The following ASIC2 variants were observed in gnomAD, a reference collection of about 807,000 sequenced individuals.
The protein encoded by ASIC2 is acid-sensing ion channel 2.
In ASIC2, 25 loss-of-function variants were observed where a neutral mutation model predicts 57.3. The observed-to-expected ratio is 0.44, with a 90% CI of 0.32 to 0.61. ASIC2 has a LOEUF of 0.61. ASIC2 is among the 20% of genes least tolerant of loss of function. The pLI is 0.06. For missense variants in ASIC2, 641 were observed against 738.1 expected (o/e 0.87, Z 1.52); for synonymous variants, 319 against 307.5 (o/e 1.04, Z -0.39).
chr17:33,725,607 C>T (rs1168865410), intron 1 of ASIC2, among the ~76,000 whole-genome samples: 1 of 152,000 alleles, frequency 6.6e-6, no homozygotes, highest in African/African-American at 2.4e-5. Context: ...TGGCACCTTC[C>T]ATGATCCGTG....
chr17:34,140,996 A>G (rs1463843706), intron 1 of ASIC2, among the ~76,000 whole-genome samples: 1 of 152,222 alleles, frequency 6.6e-6, no homozygotes, highest in Non-Finnish European at 1.5e-5. Context: ...CACTATCAGT[A>G]TTAGGACAAA....
At chr17:33,443,581 T>G (rs1458806103) in intron 1 of ASIC2, among the ~76,000 whole-genome samples, 11 of 11,552 alleles carry the variant, frequency 9.5e-4, no homozygotes, top group Non-Finnish European at 2.3e-3. Context: ...GCCCGGCTAA[T>G]TTTTTTTTGT....
chr17:33,809,089 T>C (rs1362580129), intron 1 of ASIC2, among the ~76,000 whole-genome samples: 1 of 152,188 alleles, frequency 6.6e-6, no homozygotes, highest in Non-Finnish European at 1.5e-5. Context: ...GCCAAGGTCT[T>C]GAACTTCTCT....
At position 33,558,818 on chromosome 17, in the gene ASIC2, G is replaced by A. The variant is rs545937190; in HGVS notation, c.556-446751C>T. Among the ~76,000 whole-genome samples the A allele has an allele frequency of 1.1e-4, 17 of 151,888 alleles. 2 individuals are homozygous for A. The highest frequency in any genetic ancestry group is 8.5e-4 in the Admixed American group (13 of 15,262). On this transcript the variant is annotated intron_variant, in intron 1 of 9. Coordinates refer to the ASIC2 transcript ENST00000359872. Reference sequence around the variant, plus strand: ...TACTGTTGTTGTTTTTTTTTTAGACGGAGTCTGGCTCAATCTCAGCCTAAT... The same window carrying A: ...TACTGTTGTTGTTTTTTTTTTAGACAGAGTCTGGCTCAATCTCAGCCTAAT...
chr17:34,032,316 A>G lies in ASIC2; in HGVS notation c.555+123662T>C, dbSNP rs1907652695. Among the ~76,000 whole-genome samples the G allele has an allele frequency of 2.0e-5, 3 of 152,214 alleles. No individual in the cohort carries two copies. The South Asian group carries it at 6.2e-4, about 32-fold the overall frequency. On this transcript the variant is annotated intron_variant, in intron 1 of 9. Transcript: ENST00000359872. ...ACTTTACAGACAAGCAAATGCTGAG[A>G]GATTTTGTCACCACCAGGCCTGCCC...
intron 1 of ASIC2, chr17:33,689,139 T>C (rs904924458): frequency 6.6e-6 from 1 of 152,256 alleles, no homozygotes; most frequent in African/African-American, 2.4e-5. Flanking sequence ...GACCCTCAGT[T>C]GAAAGACAAT....
At chr17:33,930,479 G>C (rs896929906) in intron 1 of ASIC2, among the ~76,000 whole-genome samples, 1 of 152,156 alleles carries the variant, frequency 6.6e-6, no homozygotes, top group Non-Finnish European at 1.5e-5. Flanking sequence ...AGTCCCCATC[G>C]TGCTTCAGGT....
At chr17:33,103,636 TC>T (rs2092223529) in intron 2 of ASIC2, among the ~76,000 whole-genome samples, 1 of 152,188 alleles carries the variant, frequency 6.6e-6, no homozygotes, top group South Asian at 2.1e-4. Flanking sequence ...TTTTAAGGCT[TC>T]CTGACTGTCA....
At chr17:33,932,867 C>T (rs1363705101) in intron 1 of ASIC2, among the ~76,000 whole-genome samples, 1 of 150,570 alleles carries the variant, frequency 6.6e-6, no homozygotes, top group Non-Finnish European at 1.5e-5. Context: ...CAATGCTGTC[C>T]TAGAAGCATT....
intron 1 of ASIC2, among the ~76,000 whole-genome samples, chr17:33,421,929 G>A (rs1007929274): frequency 3.9e-5 from 6 of 152,162 alleles, no homozygotes; most frequent in African/African-American, 1.4e-4. Flanking sequence ...CCAAGCACAC[G>A]TTGCTTCCTA....
At chr17:33,714,615 A>G (rs1426689596) in intron 1 of ASIC2, among the ~76,000 whole-genome samples, 1 of 152,204 alleles carries the variant, frequency 6.6e-6, no homozygotes, top group Non-Finnish European at 1.5e-5. Context: ...ATGAACAGGA[A>G]GGAAATCACC....
intron 1 of ASIC2, among the ~76,000 whole-genome samples, chr17:34,132,191 A>C (rs1048228975): frequency 1.2e-4 from 18 of 152,100 alleles, no homozygotes; most frequent in African/African-American, 4.3e-4. Context: ...TGAATCTCCT[A>C]GTGTGTCCGG....
In ASIC2 at chr17:33,156,657, G is replaced by C. The variant is rs184750063; in HGVS notation, c.709-44590C>G. Among the ~76,000 whole-genome samples, 4 of 152,110 alleles carry C rather than the reference G, an allele frequency of 2.6e-5. No individual in the cohort carries two copies. In the East Asian group the frequency reaches 7.9e-4, roughly 30 times the overall value. On this transcript the variant is annotated intron_variant, in intron 1 of 9. Coordinates refer to ENST00000225823, the MANE Select transcript of ASIC2 (RefSeq NM_183377.2). ...TGTAATCCCAGCTACTCAGGAGGCTGAGGCAGGAGAATTGCTTGAATCCAG... is the reference window on the plus strand; with the variant it reads ...TGTAATCCCAGCTACTCAGGAGGCTCAGGCAGGAGAATTGCTTGAATCCAG...
chr17:33,988,057 G>C (rs1905879194), intron 1 of ASIC2, among the ~76,000 whole-genome samples: 1 of 152,178 alleles, frequency 6.6e-6, no homozygotes, highest in African/African-American at 2.4e-5. Flanking sequence ...GAGATTTAAA[G>C]GAGAGTAAGA....
chr17:33,576,011 A>G (rs764386582), intron 1 of ASIC2, among the ~76,000 whole-genome samples: 3 of 152,222 alleles, frequency 2.0e-5, no homozygotes, highest in Non-Finnish European at 4.4e-5. Flanking sequence ...CAATGCAAGT[A>G]TTGTTTTAAA....
chr17:33,790,047 T>A (rs776985134), intron 1 of ASIC2, among the ~76,000 whole-genome samples: 4 of 152,262 alleles, frequency 2.6e-5, no homozygotes, highest in Non-Finnish European at 5.9e-5. Flanking sequence ...AGTTGTATAA[T>A]GAAGACATTT....
intron 1 of ASIC2, among the ~76,000 whole-genome samples, chr17:33,411,494 C>T (rs982609643): frequency 6.6e-6 from 1 of 152,150 alleles, no homozygotes; most frequent in Admixed American, 6.5e-5. Flanking sequence ...GGCAAGTGAG[C>T]CTTCCTGCTG....
At chr17:33,812,836 T>G (rs1482624844) in intron 1 of ASIC2, among the ~76,000 whole-genome samples, 1 of 152,228 alleles carries the variant, frequency 6.6e-6, no homozygotes, top group Non-Finnish European at 1.5e-5. Context: ...CCAAAGCCAC[T>G]GTGCTCCTCC....
At chr17:33,940,836 G>A (rs919447331) in intron 1 of ASIC2, among the ~76,000 whole-genome samples, 1 of 152,224 alleles carries the variant, frequency 6.6e-6, no homozygotes, top group East Asian at 1.9e-4. Context: ...AGACTCAAAG[G>A]ATGGTGGTGA....
Sources: allele counts gnomAD v4.1 joint callset (sites outside exome capture counted in the v4.1 genomes callset), GRCh38; gene constraint gnomAD v4.1.1; transcripts MANE v1.5; gene names NCBI Gene and HGNC (gene_info 2026-07-23, HGNC 2026-07-21).